Variants in PLXNA4 observed in about 807,000 individuals in gnomAD.
PLXNA4 encodes the protein plexin-A4.
PLXNA4 carries 44 observed loss-of-function variants against 191.8 expected under a neutral mutation model. That is an observed-to-expected ratio of 0.23 (90% confidence interval 0.18 to 0.29). The LOEUF (loss-of-function observed/expected upper bound fraction) is 0.29, where lower values mean the gene tolerates loss of function less well. PLXNA4 is among the 10% of genes least tolerant of loss of function. The pLI is 1.00. For synonymous variants in PLXNA4, 1,082 were observed against 1,009.5 expected (o/e 1.07, Z -1.36); for missense variants, 1,800 against 2,488.8 (o/e 0.72, Z 5.89).
At chr7:132,308,720 A>G (rs1801617711) in intron 3 of PLXNA4, among the ~76,000 whole-genome samples, 1 of 152,224 alleles carries the variant, frequency 6.6e-6, no homozygotes, top group Admixed American at 6.5e-5. Flanking sequence ...CCTCATTGTT[A>G]TCATTATTGT....
chr7:132,151,451 A>G (rs1400820196), intron 25 of PLXNA4, among the ~76,000 whole-genome samples: 12 of 32,502 alleles, frequency 3.7e-4, no homozygotes, highest in South Asian at 2.8e-3. Context: ...AGGAGGAAGA[A>G]GAAGGAGGAG....
At chr7:132,541,852 A>G (rs1214332049) in intron 1 of PLXNA4, among the ~76,000 whole-genome samples, 1 of 152,256 alleles carries the variant, frequency 6.6e-6, no homozygotes, top group African/African-American at 2.4e-5. Flanking sequence ...CAGGCATTTA[A>G]GGCATCTCAG....
intron 1 of PLXNA4, among the ~76,000 whole-genome samples, chr7:132,539,929 A>C (rs1238817389): frequency 1.3e-5 from 2 of 152,218 alleles, no homozygotes; most frequent in African/African-American, 2.4e-5. Context: ...AGCAGTGTTA[A>C]CTGAAGGCAA....
In PLXNA4 at chr7:132,511,175, C is replaced by T. The variant is rs199559490; in HGVS notation, c.-86-2396G>A. 5.9e-5 allele frequency among the ~76,000 whole-genome samples: 9 copies of T among 152,286 alleles called. No homozygotes were observed. In the East Asian group the frequency reaches 7.7e-4, roughly 13 times the overall value. On this transcript the variant is annotated intron_variant, in intron 1 of 31. Coordinates refer to ENST00000321063, the MANE Select transcript of PLXNA4 (RefSeq NM_020911.2). ...CAGAAAGAGGGGCTGGAAGCATAGA[C>T]GAATACCAATATCTGTGGAGTATTT... is the stretch of plus-strand genomic sequence containing the variant.
intron 3 of PLXNA4, among the ~76,000 whole-genome samples, chr7:132,406,660 C>T (rs954313047): frequency 6.6e-6 from 1 of 152,136 alleles, no homozygotes; most frequent in African/African-American, 2.4e-5. Flanking sequence ...CAGGGTTTAC[C>T]TCATCCAGCC....
rs1375579619 is a variant in PLXNA4, at chr7:132,167,682, G to A, written c.4286+622C>T. On this transcript the variant is annotated intron_variant, in intron 22 of 31. Coordinates refer to ENST00000321063, the MANE Select transcript of PLXNA4 (RefSeq NM_020911.2). ...CCAGAGTAGCTGGAACTTTACAGGT[G>A]TGCACCATCATGCATAGCTAATTTT... Among the ~76,000 whole-genome samples, 29 of 152,116 alleles carry A rather than the reference G, an allele frequency of 1.9e-4. 1 individual carries two copies. Among genetic ancestry groups the A allele is most frequent in the Admixed American group, 1.8e-3 (28 of 15,278 alleles).
intron 4 of PLXNA4, among the ~76,000 whole-genome samples, chr7:132,270,753 A>G (rs1470230193): frequency 5.3e-5 from 8 of 152,250 alleles, no homozygotes; most frequent in African/African-American, 1.7e-4. Context: ...TACAGAACCA[A>G]AGAATTTTAT....
chr7:132,487,151 T>G (rs1310446013), intron 3 of PLXNA4, among the ~76,000 whole-genome samples: 3 of 152,160 alleles, frequency 2.0e-5, no homozygotes, highest in Non-Finnish European at 4.4e-5. Flanking sequence ...GTTCATTTCA[T>G]TGATAACATT....
At chr7:132,231,896 C>T (rs748927530) in intron 5 of PLXNA4, among the ~76,000 whole-genome samples, 18 of 152,166 alleles carry the variant, frequency 1.2e-4, no homozygotes, top group Admixed American at 5.2e-4. Flanking sequence ...TACTAGTTGT[C>T]AAAGGGTATT....
chr7:132,623,034 C>G (rs1041611443), intron 2 of PLXNA4, among the ~76,000 whole-genome samples: 1 of 152,164 alleles, frequency 6.6e-6, no homozygotes, highest in African/African-American at 2.4e-5. Flanking sequence ...CTTCCAGCCC[C>G]TTCTCCATTG....
chr7:132,574,703 G>A (rs543729588), intron 1 of PLXNA4, among the ~76,000 whole-genome samples: 13 of 152,278 alleles, frequency 8.5e-5, no homozygotes, highest in Admixed American at 3.9e-4. Flanking sequence ...AGCACACAGC[G>A]GGAATACAAT....
intron 3 of PLXNA4, among the ~76,000 whole-genome samples, chr7:132,340,099 T>C (rs1294137996): frequency 6.6e-6 from 1 of 152,194 alleles, no homozygotes; most frequent in East Asian, 1.9e-4. Context: ...TAGGTCTCAT[T>C]CACAATCTTT....
intron 3 of PLXNA4, among the ~76,000 whole-genome samples, chr7:132,463,046 C>T (rs1390955489): frequency 6.6e-6 from 1 of 152,026 alleles, no homozygotes; most frequent in Non-Finnish European, 1.5e-5. Context: ...AACGGGGTTT[C>T]ACCATGTTGG....
In PLXNA4 at chr7:132,168,312, C is replaced by T; in HGVS notation, c.4278G>A (p.Leu1426=). The T allele has an allele frequency of 6.4e-7, 1 of 1,551,488 alleles. No homozygotes were observed. The highest frequency in any genetic ancestry group is 2.3e-5 in the East Asian group (1 of 43,400). ...CCAGACTGCACCCTCACCTCCTGAG[C>T]AGCAGCTTAGGGTGGTTCTTGCTCT... ...NLESKNHPKL[L]LRRTESVAEK... The change falls in exon 22 of 32, where the codon CTG becomes CTA. Residue 1426 remains leucine (L), a synonymous_variant. Coordinates refer to ENST00000321063, the MANE Select transcript of PLXNA4 (RefSeq NM_020911.2).
intron 20 of PLXNA4, among the ~76,000 whole-genome samples, chr7:132,178,220 T>G (rs1796541384): frequency 6.6e-6 from 1 of 152,148 alleles, no homozygotes; most frequent in African/African-American, 2.4e-5. Flanking sequence ...TGCGTCATGT[T>G]AAGACACCCC....
intron 4 of PLXNA4, among the ~76,000 whole-genome samples, chr7:132,252,833 CA>C (rs1052047187): frequency 2.6e-5 from 4 of 152,084 alleles, no homozygotes; most frequent in African/African-American, 9.7e-5. Flanking sequence ...TATCCATCCA[CA>C]GGGGGCTGGC....
At chr7:132,473,473 T>C (rs756320756) in intron 3 of PLXNA4, among the ~76,000 whole-genome samples, 27 of 152,292 alleles carry the variant, frequency 1.8e-4, no homozygotes, top group African/African-American at 6.0e-4. Context: ...CAGCATCCCA[T>C]GAACCTTTGT....
At chr7:132,623,063 G>A (rs755845973) in intron 2 of PLXNA4, among the ~76,000 whole-genome samples, 13 of 152,148 alleles carry the variant, frequency 8.5e-5, no homozygotes, top group Non-Finnish European at 1.8e-4. Flanking sequence ...AACTAAAATT[G>A]GCTGGGCATG....
intron 2 of PLXNA4, among the ~76,000 whole-genome samples, chr7:132,493,618 C>A (rs931947913): frequency 6.6e-6 from 1 of 152,062 alleles, no homozygotes; most frequent in South Asian, 2.1e-4. Context: ...ACAGGGGCCA[C>A]GTTTTATGCA....
Sources: allele counts gnomAD v4.1 joint callset (sites outside exome capture counted in the v4.1 genomes callset), GRCh38; gene constraint gnomAD v4.1.1; transcripts MANE v1.5; gene names NCBI Gene and HGNC (gene_info 2026-07-23, HGNC 2026-07-21).